The following DIPK1C variants were observed in gnomAD, a reference collection of about 807,000 sequenced individuals.
DIPK1C encodes familial non-conventional Alzheimer's dementia.
DIPK1C carries 33 observed loss-of-function variants against 28.0 expected under a neutral mutation model. The ratio of observed to expected loss-of-function variants is 1.18; its 90% CI spans 0.89 to 1.58. The LOEUF (loss-of-function observed/expected upper bound fraction) is 1.58. Among genes scored for constraint, DIPK1C ranks in the 40% most tolerant of loss-of-function variants. The pLI, the probability that DIPK1C is intolerant of heterozygous loss-of-function variation, is 0.00. For synonymous variants in DIPK1C, 255 were observed against 248.8 expected (o/e 1.02, Z -0.23); for missense variants, 569 against 568.5 (o/e 1.00, Z -0.01).
rs1199276829 is a variant in DIPK1C at position 74,447,077 on chromosome 18, T to C, written c.405A>G (p.Ala135=). 3 of 1,550,408 alleles carry C rather than the reference T, an allele frequency of 1.9e-6. No homozygotes were observed. The highest frequency in any genetic ancestry group is 2.6e-6 in the Non-Finnish European group (3 of 1,146,914). ...FPPLSLLEEE[A]GEGGQDMPEA... is the part of the protein sequence containing the mutation. Reference sequence around the variant, plus strand: ...CGGGCATGTCCTGGCCACCCTCCCCTGCCTCCTCTTCCAACAGGCTGAGGG... The same window carrying C: ...CGGGCATGTCCTGGCCACCCTCCCCCGCCTCCTCTTCCAACAGGCTGAGGG... Residue 135 remains alanine, a synonymous_variant, in exon 2 of 4, where the codon GCA becomes GCG. Coordinates refer to ENST00000343998, the MANE Select transcript of DIPK1C (RefSeq NM_001044369.3). The surrounding 1 kb of genome is among the most constrained non-coding windows in gnomAD (Gnocchi z 4.1).
At chr18:74,451,631 C>T (rs908999180) in intron 1 of DIPK1C, among the ~76,000 whole-genome samples, 5 of 152,184 alleles carry the variant, frequency 3.3e-5, no homozygotes, top group Non-Finnish European at 5.9e-5. Context: ...TGGAAGGAAA[C>T]GTTCATTTTG....
chr18:74,457,723 G>GGC, upstream of DIPK1C: 1 of 43,432 alleles, frequency 2.3e-5, no homozygotes, highest in African/African-American at 1.3e-4. Context: ...CTGCAGCGTT[G>GGC]TCCCCCCCCG....
intron 1 of DIPK1C, among the ~76,000 whole-genome samples, chr18:74,455,198 G>T (rs773715861): frequency 6.6e-5 from 10 of 152,152 alleles, no homozygotes; most frequent in Non-Finnish European, 1.5e-4. Flanking sequence ...TGCTGGGAAA[G>T]TCATGATTAG....
chr18:74,460,169 G>T (rs1986595570), upstream of DIPK1C, among the ~76,000 whole-genome samples: 1 of 152,208 alleles, frequency 6.6e-6, no homozygotes, highest in African/African-American at 2.4e-5. Context: ...GACTTCTGAG[G>T]ATGTCCTCCG....
At chr18:74,448,681 C>T (rs1372049247) in intron 1 of DIPK1C, among the ~76,000 whole-genome samples, 1 of 152,178 alleles carries the variant, frequency 6.6e-6, no homozygotes, top group Admixed American at 6.5e-5. Context: ...AGCCTGGGAA[C>T]AGCCTTGGGT....
At chr18:74,445,395 C>A (rs1313990240) in intron 2 of DIPK1C, among the ~76,000 whole-genome samples, 1 of 152,234 alleles carries the variant, frequency 6.6e-6, no homozygotes, top group African/African-American at 2.4e-5. Flanking sequence ...AGGTTGTCAG[C>A]CCCTCCAGGG....
intron 1 of DIPK1C, among the ~76,000 whole-genome samples, chr18:74,453,541 T>C (rs1167267387): frequency 6.6e-6 from 1 of 152,208 alleles, no homozygotes; most frequent in Non-Finnish European, 1.5e-5. Context: ...AAGCCTGCCC[T>C]ATTAAAACCG....
intron 3 of DIPK1C, among the ~76,000 whole-genome samples, chr18:74,438,130 G>A (rs1485353637): frequency 6.6e-6 from 1 of 152,170 alleles, no homozygotes; most frequent in African/African-American, 2.4e-5. Context: ...GGGCTCAAGC[G>A]ATTCACCTGC....
At chr18:74,458,751 G>C (rs1156371054), upstream of DIPK1C, among the ~76,000 whole-genome samples, 3 of 151,730 alleles carry the variant, frequency 2.0e-5, no homozygotes, top group Non-Finnish European at 3.0e-5. Flanking sequence ...TATTTTCACA[G>C]GCTGGCTGTA....
chr18:74,455,261 C>T (rs1031440074), intron 1 of DIPK1C, among the ~76,000 whole-genome samples: 1 of 152,162 alleles, frequency 6.6e-6, no homozygotes, highest in Admixed American at 6.5e-5. Context: ...AGCCTTTCCT[C>T]ACTTAACCAA....
Position 74,456,201 on chromosome 18 carries a change from C to T in DIPK1C, c.198+861G>A, listed in dbSNP as rs555541158. Among the ~76,000 whole-genome samples, 572 of 152,382 alleles carry T rather than the reference C, an allele frequency of 3.8e-3. 5 individuals are homozygous for T. The highest frequency in any genetic ancestry group is 3.6e-3 in the Non-Finnish European group (246 of 68,034). On this transcript the variant is annotated intron_variant, in intron 1 of 3. Coordinates refer to ENST00000343998, the MANE Select transcript of DIPK1C (RefSeq NM_001044369.3). ...TTTCTGGGATTTAGGGGACTCCCAC[C>T]TTTACTGAAGTCTCCTTTGCGCCTG...
At chr18:74,453,001 A>T (rs1599041985) in intron 1 of DIPK1C, among the ~76,000 whole-genome samples, 1 of 152,376 alleles carries the variant, frequency 6.6e-6, no homozygotes, top group South Asian at 2.1e-4. Context: ...GTCTCATTGC[A>T]GCTAACTCTA....
In DIPK1C at chr18:74,441,981, C is replaced by T. The variant is rs759343209; in HGVS notation, c.1012G>A (p.Gly338Arg). 56 of 1,613,920 alleles carry T rather than the reference C, an allele frequency of 3.5e-5. No homozygotes were observed. Among genetic ancestry groups the T allele is most frequent in the East Asian group, 8.9e-5 (4 of 44,886 alleles). Residue 338 changes from glycine to arginine, a missense_variant, in exon 3 of 4, where the codon GGA (glycine) becomes AGA (arginine). Transcript: ENST00000343998. ...AGGTTGTTGTTTACGCGCTGCGCTC[C>T]GCATTTGTTGACTCGTAAATCACAT... Reference protein sequence around the residue: ...SRCDLRVNKCGAQRVNNNLQV... With the variant: ...SRCDLRVNKCRAQRVNNNLQV...
chr18:74,438,584 T>C (rs900830932), intron 3 of DIPK1C, among the ~76,000 whole-genome samples: 4 of 152,230 alleles, frequency 2.6e-5, no homozygotes, highest in Admixed American at 2.0e-4. Context: ...ATGGTTTAAT[T>C]TGCATCTTTC....
At chr18:74,457,372 G>A (rs1449861563), upstream of DIPK1C, 5 of 794,146 alleles carry the variant, frequency 6.3e-6, no homozygotes, top group Non-Finnish European at 7.6e-6. Context: ...CGGGGGAGGG[G>A]CCGCGCGAGG....
At chr18:74,450,978 G>A (rs1986384462) in intron 1 of DIPK1C, among the ~76,000 whole-genome samples, 1 of 152,164 alleles carries the variant, frequency 6.6e-6, no homozygotes, top group Non-Finnish European at 1.5e-5. Flanking sequence ...CAAGGTCACA[G>A]GGAGACAGTC....
chr18:74,448,879 C>A (rs367933440), intron 1 of DIPK1C, among the ~76,000 whole-genome samples: 8 of 152,234 alleles, frequency 5.3e-5, no homozygotes, highest in African/African-American at 1.9e-4. Context: ...GAGGCCGAGG[C>A]GGGCAGATCA....
At position 74,457,226 on chromosome 18, in the gene DIPK1C, C is replaced by T. The variant is rs1369960440; in HGVS notation, c.34G>A (p.Gly12Arg). Reference sequence around the variant, plus strand: ...CAGCGCCCGCGCCTCCTGCACCACCCGGCAGGGCCCCGCGCGCCCGCCGCC... The same window carrying T: ...CAGCGCCCGCGCCTCCTGCACCACCTGGCAGGGCCCCGCGCGCCCGCCGCC... The part of the protein sequence containing the change: ...ARAAGARGPA[G>R]WCRRRGRCGR... Residue 12 changes from glycine (G) to arginine (R), a missense_variant, in exon 1 of 4, where the codon GGG becomes AGG. Gly to Arg is a moderately radical substitution (Grantham distance 125). Transcript: ENST00000343998. 6 of 1,089,014 alleles carry T rather than the reference C, an allele frequency of 5.5e-6. No individual in the cohort carries two copies. Among genetic ancestry groups the T allele is most frequent in the Non-Finnish European group, 6.7e-6 (6 of 898,458 alleles). 67.5% of individuals were successfully genotyped at this position (1,089,014 alleles called of 1,614,324 possible). A position where few individuals can be genotyped will look rare whatever the true frequency, so the allele number is the denominator to read the frequency against.
At chr18:74,452,407 A>G (rs1270726470) in intron 1 of DIPK1C, among the ~76,000 whole-genome samples, 1 of 152,120 alleles carries the variant, frequency 6.6e-6, no homozygotes, top group Non-Finnish European at 1.5e-5. Context: ...GCCTTTTAAA[A>G]AAAAACAGTC....
Sources: gnomAD v4.1 joint callset for allele counts (sites outside exome capture counted in the v4.1 genomes callset) on GRCh38, gnomAD v4.1.1 for gene constraint, Gnocchi (gnomAD v3.1) non-coding constraint, MANE v1.5 for transcripts, NCBI Gene and HGNC (gene_info 2026-07-23, HGNC 2026-07-21) for gene names.